The following P2RY2 variants were observed in gnomAD, a reference collection of about 807,000 sequenced individuals.
P2RY2 encodes the protein P2Y purinoceptor 2.
For synonymous variants in P2RY2, 241 were observed against 231.9 expected, an observed-to-expected ratio of 1.04 and a Z score of -0.35; for missense variants, 567 against 515.7, an observed-to-expected ratio of 1.10 and a Z score of -0.96.
Position 73,226,445 on chromosome 11 carries a change from G to A in P2RY2, c.-199-1536G>A, listed in dbSNP as rs117220103. Reference sequence around the variant, plus strand: ...CAGCCCACCGGCCTTGTCAATCTGAGACCACCAGGCAAGGTGCACTCAGTA... The same window carrying A: ...CAGCCCACCGGCCTTGTCAATCTGAAACCACCAGGCAAGGTGCACTCAGTA... On this transcript the variant is annotated intron_variant, in intron 1 of 2. Coordinates refer to ENST00000393597, the MANE Select transcript of P2RY2 (RefSeq NM_002564.4). Among the ~76,000 whole-genome samples, 196 of 152,186 alleles carry A rather than the reference G, an allele frequency of 1.3e-3. 2 individuals are homozygous for A. The East Asian group carries it at 0.029, about 22-fold the overall frequency.
At position 73,237,397 on chromosome 11, in the gene P2RY2, G is replaced by A. The variant is rs775935691; in HGVS notation, c.*2104G>A. Among the ~76,000 whole-genome samples the A allele has an allele frequency of 1.4e-4, 21 of 152,174 alleles. No homozygotes were observed. The highest frequency in any genetic ancestry group is 2.5e-4 in the Non-Finnish European group (17 of 68,000). On this transcript the variant is annotated 3_prime_UTR_variant, in exon 3 of 3. Coordinates refer to ENST00000393597, the MANE Select transcript of P2RY2 (RefSeq NM_002564.4). ...CAAGTAGCTGGGATTACAGGTATGC[G>A]CCACCACACCTGGCTAATTTTTGTA...
chr11:73,231,588 A>G (rs555672083), intron 2 of P2RY2, among the ~76,000 whole-genome samples: 18 of 151,468 alleles, frequency 1.2e-4, no homozygotes, highest in African/African-American at 4.4e-4. Context: ...AGAAAAAAAG[A>G]AGGGAAATTG....
In P2RY2 at chr11:73,236,099, TC is replaced by T. The variant is rs1300473439; in HGVS notation, c.*811del. 16 of 998,282 alleles carry T rather than the reference TC, an allele frequency of 1.6e-5. No individual in the cohort carries two copies. The highest frequency in any genetic ancestry group is 1.8e-5 in the Non-Finnish European group (15 of 828,364). The allele number at this position is 998,282 out of a possible 1,614,324, so 61.8% of individuals were successfully genotyped here. A position where few individuals can be genotyped will look rare whatever the true frequency, so the allele number is the denominator to read the frequency against. On this transcript the variant is annotated 3_prime_UTR_variant, in exon 3 of 3. Transcript: ENST00000393597. Reference sequence around the variant, plus strand: ...GATCCTCTCTCCAGGCCCCAGGTCATCCCCCACTGTAAAGCCAGTTGGCTTC... The same window carrying T: ...GATCCTCTCTCCAGGCCCCAGGTCATCCCCACTGTAAAGCCAGTTGGCTTC...
intron 1 of P2RY2, among the ~76,000 whole-genome samples, chr11:73,224,669 G>T (rs1019290311): frequency 6.6e-6 from 1 of 152,156 alleles, no homozygotes; most frequent in African/African-American, 2.4e-5. Flanking sequence ...CTTCTGCTGG[G>T]GAATCCCTGG....
chr11:73,236,991 G>A lies in P2RY2; in HGVS notation c.*1698G>A, dbSNP rs927991566. Reference sequence around the variant, plus strand: ...CCCTCTGGGAGAGCCCTCGCCCTGTGGCCCACTCTGCCTGCCCCCTCTGAC... The same window carrying A: ...CCCTCTGGGAGAGCCCTCGCCCTGTAGCCCACTCTGCCTGCCCCCTCTGAC... On this transcript the variant is annotated 3_prime_UTR_variant, in exon 3 of 3. Coordinates refer to ENST00000393597, the MANE Select transcript of P2RY2 (RefSeq NM_002564.4). 5 of 985,116 alleles carry A rather than the reference G, an allele frequency of 5.1e-6. No individual in the cohort carries two copies. The highest frequency in any genetic ancestry group is 6.2e-5 in the Admixed American group (1 of 16,254). 61.0% of individuals were successfully genotyped at this position (985,116 alleles called of 1,614,324 possible).
chr11:73,231,975 G>A (rs1401406263), intron 2 of P2RY2, among the ~76,000 whole-genome samples: 1 of 152,090 alleles, frequency 6.6e-6, no homozygotes, highest in African/African-American at 2.4e-5. Flanking sequence ...GCTTGAACCT[G>A]GGAGGCAGAG....
At chr11:73,232,072 CAAATA>C (rs901995883) in intron 2 of P2RY2, among the ~76,000 whole-genome samples, 9 of 152,022 alleles carry the variant, frequency 5.9e-5, no homozygotes, top group Non-Finnish European at 1.2e-4. Flanking sequence ...TAAAAATAAA[CAAATA>C]AAATAAAATA....
chr11:73,221,927 G>A (rs545046865), intron 1 of P2RY2, among the ~76,000 whole-genome samples: 1 of 138,642 alleles, frequency 7.2e-6, no homozygotes, highest in South Asian at 2.1e-4. Context: ...TGGAGTAGAA[G>A]GGGAGGCTTT....
At position 73,218,321 on chromosome 11, in the gene P2RY2, GCCGGGCTCC is replaced by G. The variant is rs1167390297; in HGVS notation, c.-309_-301del. On this transcript the variant is annotated 5_prime_UTR_variant, in exon 1 of 3. Transcript: ENST00000393597. ...GGGGAACAGCGCAGGGAGGTGGGTAGCCGGGCTCCCAGGCACGTGGGTCTCTGCGGCTGC... is the reference window on the plus strand; with the variant it reads ...GGGGAACAGCGCAGGGAGGTGGGTAGCAGGCACGTGGGTCTCTGCGGCTGC... 2 of 152,534 alleles carry G rather than the reference GCCGGGCTCC, an allele frequency of 1.3e-5. No individual in the cohort carries two copies. The highest frequency in any genetic ancestry group is 2.9e-5 in the Non-Finnish European group (2 of 68,262). 9.4% of individuals were successfully genotyped at this position (152,534 alleles called of 1,614,324 possible).
rs1277528602 is a variant in P2RY2, at chr11:73,223,502, C to T, written c.-199-4479C>T. ...TAGGACAGTTCATGATTTGCTAGCG[C>T]CAAGGTGCACCCACCTGCCCCCTTG... On this transcript the variant is annotated intron_variant, in intron 1 of 2. Coordinates refer to ENST00000393597, the MANE Select transcript of P2RY2 (RefSeq NM_002564.4). 5.9e-5 allele frequency among the ~76,000 whole-genome samples: 9 copies of T among 152,272 alleles called. No homozygotes were observed. The South Asian group carries it at 1.9e-3, about 32-fold the overall frequency.
At position 73,237,288 on chromosome 11, in the gene P2RY2, C is replaced by G. The variant is rs1035070145; in HGVS notation, c.*1995C>G. 2.2e-5 allele frequency: 5 copies of G among 225,500 alleles called. No individual in the cohort carries two copies. Among genetic ancestry groups the G allele is most frequent in the African/African-American group, 1.2e-4 (5 of 42,780 alleles). 14.0% of individuals were successfully genotyped at this position (225,500 alleles called of 1,614,324 possible). A position where few individuals can be genotyped will look rare whatever the true frequency, so the allele number is the denominator to read the frequency against. ...TGAGACGAAGTCTTGTTCTGTCACC[C>G]AGGCTGGAAGTGCAGTGCTGCGGTC... On this transcript the variant is annotated 3_prime_UTR_variant, in exon 3 of 3. Coordinates refer to ENST00000393597, the MANE Select transcript of P2RY2 (RefSeq NM_002564.4).
intron 1 of P2RY2, among the ~76,000 whole-genome samples, chr11:73,220,070 C>G (rs1441291032): frequency 6.6e-6 from 1 of 152,240 alleles, no homozygotes; most frequent in African/African-American, 2.4e-5. Flanking sequence ...CAGGGCTGAG[C>G]TGAACTGAGA....
rs766838927 is a variant in P2RY2, at chr11:73,237,145, CTG to C, written c.*1854_*1855del. On this transcript the variant is annotated 3_prime_UTR_variant, in exon 3 of 3. Coordinates refer to ENST00000393597, the MANE Select transcript of P2RY2 (RefSeq NM_002564.4). The stretch of plus-strand genomic sequence containing the variant: ...ACAGACCATGACCCAAATGATTACT[CTG>C]TACTGTGCCAGGTGGGTGACCTGCC... The C allele has an allele frequency of 3.0e-6, 3 of 984,626 alleles. No homozygotes were observed. The highest frequency in any genetic ancestry group is 3.6e-6 in the Non-Finnish European group (3 of 829,198). 61.0% of individuals were successfully genotyped at this position (984,626 alleles called of 1,614,324 possible).
In P2RY2 at chr11:73,236,334, T is replaced by C. The variant is rs545991793; in HGVS notation, c.*1041T>C. ...GGCCAAATTCAAACTATAAACATGA[T>C]GTCAACTTCCTTGTAAAATTCCTGA... On this transcript the variant is annotated 3_prime_UTR_variant, in exon 3 of 3. Coordinates refer to ENST00000393597, the MANE Select transcript of P2RY2 (RefSeq NM_002564.4). 2 of 375,162 alleles carry C rather than the reference T, an allele frequency of 5.3e-6. No homozygotes were observed. Among genetic ancestry groups the C allele is most frequent in the African/African-American group, 4.4e-5 (2 of 45,500 alleles). 23.2% of individuals were successfully genotyped at this position (375,162 alleles called of 1,614,324 possible).
At position 73,241,968 on chromosome 11, in the gene P2RY2, G is replaced by C. The variant is rs936583917; in HGVS notation, c.*6675G>C. On this transcript the variant is annotated 3_prime_UTR_variant, in exon 3 of 3. Coordinates refer to ENST00000393597, the MANE Select transcript of P2RY2 (RefSeq NM_002564.4). The stretch of plus-strand genomic sequence containing the variant: ...AGTGATTTTCCTGCACACCCTGCTG[G>C]GGATGTGGAAGCCTGTCCCCCTCCC... 1.3e-5 allele frequency: 2 copies of C among 152,194 alleles called. No individual in the cohort carries two copies. The highest frequency in any genetic ancestry group is 6.5e-5 in the Admixed American group (1 of 15,280). The allele number at this position is 152,194 out of a possible 1,614,324, so 9.4% of individuals were successfully genotyped here. A position where few individuals can be genotyped will look rare whatever the true frequency, so the allele number is the denominator to read the frequency against.
At chr11:73,225,401 C>G (rs1862250058) in intron 1 of P2RY2, among the ~76,000 whole-genome samples, 1 of 152,224 alleles carries the variant, frequency 6.6e-6, no homozygotes, top group Admixed American at 6.5e-5. Flanking sequence ...TTGGGTGAGA[C>G]CTTGAGCTAC....
intron 1 of P2RY2, among the ~76,000 whole-genome samples, chr11:73,223,224 T>C (rs1862171527): frequency 1.3e-5 from 2 of 152,168 alleles, no homozygotes; most frequent in East Asian, 1.9e-4. Flanking sequence ...CTCATGTGGT[T>C]CCTGGTTGAT....
rs142873555 is a variant in P2RY2 at position 73,238,167 on chromosome 11, C to T, written c.*2874C>T. On this transcript the variant is annotated 3_prime_UTR_variant, in exon 3 of 3. Coordinates refer to ENST00000393597, the MANE Select transcript of P2RY2 (RefSeq NM_002564.4). The stretch of plus-strand genomic sequence containing the variant: ...AGTGCCTTGGTGACGATCCTGCTGT[C>T]ACTCACACTGCCCAGCTCTTCCTGC... 2.6e-5 allele frequency among the ~76,000 whole-genome samples: 4 copies of T among 152,348 alleles called. No homozygotes were observed. The highest frequency in any genetic ancestry group is 5.9e-5 in the Non-Finnish European group (4 of 68,038).
intron 2 of P2RY2, 76 bp from the exon 3 acceptor site, chr11:73,234,080 G>T: frequency 1.3e-6 from 2 of 1,508,264 alleles, no homozygotes; most frequent in East Asian, 4.6e-5. Flanking sequence ...GAAAGCCCTG[G>T]TCAGGTGGCT....
Sources: gnomAD v4.1 joint callset for allele counts (sites outside exome capture counted in the v4.1 genomes callset) on GRCh38, gnomAD v4.1.1 for gene constraint, MANE v1.5 for transcripts, NCBI Gene and HGNC (gene_info 2026-07-23, HGNC 2026-07-21) for gene names.